Variants in RGS5 observed in about 807,000 individuals in gnomAD.
RGS5 encodes regulator of G protein signaling 5.
A neutral mutation model predicts 18.9 loss-of-function variants in RGS5; 20 were observed. The ratio of observed to expected loss-of-function variants is 1.06; its 90% confidence interval spans 0.74 to 1.54. The LOEUF (loss-of-function observed/expected upper bound fraction) is 1.54, where lower values mean the gene tolerates loss of function less well. RGS5 is among the 40% of genes most tolerant of loss of function. The pLI, the probability that RGS5 is intolerant of heterozygous loss-of-function variation, is 0.00. For missense variants in RGS5, 201 were observed against 211.8 expected (o/e 0.95, Z 0.32); for synonymous variants, 57 against 76.2 (o/e 0.75, Z 1.31).
intron 1 of RGS5, among the ~76,000 whole-genome samples, chr1:163,174,659 A>G: frequency 6.6e-6 from 1 of 152,244 alleles, no homozygotes; most frequent in Non-Finnish European, 1.5e-5. Context: ...TATATAGGAC[A>G]TATGCTGATG....
At chr1:163,150,491 T>A (rs10917684) in intron 4 of RGS5, among the ~76,000 whole-genome samples, 31,571 of 151,994 alleles carry the variant, frequency 0.21, 5,439 homozygotes, top group African/African-American at 0.47. Context: ...CAATTTAATG[T>A]TAAATTAATC....
chr1:163,186,904 T>C (rs996699478), intron 1 of RGS5, among the ~76,000 whole-genome samples: 1 of 152,162 alleles, frequency 6.6e-6, no homozygotes, highest in Non-Finnish European at 1.5e-5. Context: ...AATCTATCAA[T>C]TGAATTCAAT....
intron 1 of RGS5, among the ~76,000 whole-genome samples, chr1:163,187,563 C>A (rs7539342): frequency 0.12 from 18,102 of 152,028 alleles, 1,080 homozygotes; most frequent in South Asian, 0.21. Context: ...CCGCCTCATA[C>A]GCTGGCAGAA....
chr1:163,170,779 A>G (rs919786750), intron 1 of RGS5, among the ~76,000 whole-genome samples: 3 of 152,128 alleles, frequency 2.0e-5, no homozygotes, highest in Non-Finnish European at 4.4e-5. Flanking sequence ...CAGGTCCCAT[A>G]GTACCTCAGA....
At chr1:163,205,141 T>C (rs750294091), upstream of RGS5, among the ~76,000 whole-genome samples, 4 of 151,934 alleles carry the variant, frequency 2.6e-5, no homozygotes, top group East Asian at 3.9e-4. Flanking sequence ...GAAAGTAAAA[T>C]AGTGATTGCT....
intron 2 of RGS5, among the ~76,000 whole-genome samples, chr1:163,254,559 T>C (rs12134928): frequency 0.048 from 7,323 of 151,894 alleles, 211 homozygotes; most frequent in South Asian, 0.092. Flanking sequence ...CGTTTGTCAG[T>C]TGAGTAGGTT....
At chr1:163,192,632 A>G (rs1461506031) in intron 1 of RGS5, among the ~76,000 whole-genome samples, 2 of 152,226 alleles carry the variant, frequency 1.3e-5, no homozygotes, top group Non-Finnish European at 2.9e-5. Context: ...TATCCAAGTC[A>G]TAAACAATAT....
At chr1:163,276,804 A>T (rs1648868816) in intron 2 of RGS5, among the ~76,000 whole-genome samples, 1 of 152,214 alleles carries the variant, frequency 6.6e-6, no homozygotes, top group African/African-American at 2.4e-5. Flanking sequence ...GTTGACTCTG[A>T]CAAATCTTGG....
intron 2 of RGS5, among the ~76,000 whole-genome samples, chr1:163,268,261 G>A (rs1412295843): frequency 6.6e-6 from 1 of 151,896 alleles, no homozygotes; most frequent in Admixed American, 6.6e-5. Context: ...ATTACTCACT[G>A]GCATAAGAAG....
intron 2 of RGS5, among the ~76,000 whole-genome samples, chr1:163,279,728 T>C (rs80041173): frequency 0.066 from 10,009 of 151,684 alleles, 366 homozygotes; most frequent in Middle Eastern, 0.13. Context: ...AAATGAAAAA[T>C]TGGATTTTTG....
intron 2 of RGS5, among the ~76,000 whole-genome samples, chr1:163,291,210 A>C (rs950072366): frequency 1.3e-5 from 2 of 151,864 alleles, no homozygotes; most frequent in African/African-American, 4.8e-5. Context: ...AAGCTTCCTT[A>C]TTTTATTTAA....
chr1:163,174,780 T>C lies in RGS5; in HGVS notation c.45-6412A>G, dbSNP rs183538871. Among the ~76,000 whole-genome samples the C allele has an allele frequency of 3.7e-3, 565 of 152,310 alleles. 1 individual carries two copies. The highest frequency in any genetic ancestry group is 6.8e-3 in the Non-Finnish European group (466 of 68,036). ...ACAGAAGTAGCCCTGGGGCATAGGC[T>C]ATTCCTGTGGTTGAAAGGCTTTCGG... On this transcript the variant is annotated intron_variant, in intron 1 of 4. Transcript: ENST00000313961.
At position 163,142,709 on chromosome 1, in the gene RGS5, TA is replaced by T. The variant is rs1443071179; in HGVS notation, c.*4632del. 2.0e-5 allele frequency: 3 copies of T among 152,190 alleles called. No individual in the cohort carries two copies. Among genetic ancestry groups the T allele is most frequent in the Non-Finnish European group, 4.4e-5 (3 of 68,034 alleles). The allele number at this position is 152,190 out of a possible 1,614,324, so 9.4% of individuals were successfully genotyped here. The stretch of plus-strand genomic sequence containing the variant: ...CTGTGCATTTTTCTAGAAAGGAAGT[TA>T]AATGCTTTTAATGTATTAATTATTA... On this transcript the variant is annotated 3_prime_UTR_variant, in exon 5 of 5. Transcript: ENST00000313961.
At chr1:163,292,551 G>A (rs1649314663) in intron 2 of RGS5, among the ~76,000 whole-genome samples, 1 of 152,150 alleles carries the variant, frequency 6.6e-6, no homozygotes, top group Non-Finnish European at 1.5e-5. Flanking sequence ...GGATTGCTGG[G>A]TCAAATGGTA....
intron 3 of RGS5, among the ~76,000 whole-genome samples, chr1:163,160,731 G>T (rs997339930): frequency 2.0e-5 from 3 of 152,170 alleles, no homozygotes. Context: ...TAATGGTCTT[G>T]TGAGAAATAT....
chr1:163,274,366 T>C (rs755939623), intron 2 of RGS5, among the ~76,000 whole-genome samples: 14 of 124,166 alleles, frequency 1.1e-4, no homozygotes, highest in African/African-American at 3.3e-4. Flanking sequence ...AGCTTCTACG[T>C]TGGTGAATGC....
chr1:163,223,036 G>A (rs941590528), intron 2 of RGS5, among the ~76,000 whole-genome samples: 2 of 146,102 alleles, frequency 1.4e-5, no homozygotes, highest in Non-Finnish European at 1.5e-5. Flanking sequence ...ATAGAGACGG[G>A]GTTTTACCAT....
At chr1:163,262,163 TTTTTTTA>T in intron 2 of RGS5, among the ~76,000 whole-genome samples, 1 of 147,116 alleles carries the variant, frequency 6.8e-6, no homozygotes, top group East Asian at 2.0e-4. Flanking sequence ...TTTTTTTTTT[TTTTTTTA>T]TTATACTCTA....
intron 2 of RGS5, among the ~76,000 whole-genome samples, chr1:163,289,603 C>T (rs970045383): frequency 2.0e-5 from 3 of 152,106 alleles, no homozygotes; most frequent in African/African-American, 7.2e-5. Flanking sequence ...CCAAACTAAT[C>T]TGACTTTGAA....
Sources: gnomAD v4.1 joint callset for allele counts (sites outside exome capture counted in the v4.1 genomes callset) on GRCh38, gnomAD v4.1.1 for gene constraint, MANE v1.5 for transcripts, NCBI Gene and HGNC (gene_info 2026-07-23, HGNC 2026-07-21) for gene names.